The following CPAP variants were observed in gnomAD, a reference collection of about 807,000 sequenced individuals.
CPAP encodes the protein centrosome assembly and centriole elongation protein.
chr13:24,919,139 G>A, the CPAP span, among the ~76,000 whole-genome samples: 1 of 152,130 alleles, frequency 6.6e-6, no homozygotes, highest in Non-Finnish European at 1.5e-5. Flanking sequence ...AACACTGTGA[G>A]ATTTAAAAAG....
chr13:24,929,171 C>T, the CPAP span, among the ~76,000 whole-genome samples: 1 of 152,108 alleles, frequency 6.6e-6, no homozygotes, highest in Admixed American at 6.5e-5. Context: ...TCAAGTGTTC[C>T]TCCTGCCTCA....
At chr13:24,925,954 A>C in the CPAP span, 23 of 152,668 alleles carry the variant, frequency 1.5e-4, no homozygotes, top group Non-Finnish European at 2.9e-5. Flanking sequence ...GGCTTTCAGC[A>C]TTATGTCTAT....
chr13:24,891,472 G>A, the CPAP span, among the ~76,000 whole-genome samples: 2 of 152,064 alleles, frequency 1.3e-5, no homozygotes, highest in South Asian at 4.2e-4. Context: ...CTCCCTTCTT[G>A]CGGTTGCTCC....
At chr13:24,922,129 C>T in the CPAP span, among the ~76,000 whole-genome samples, 1 of 152,240 alleles carries the variant, frequency 6.6e-6, no homozygotes, top group African/African-American at 2.4e-5. Context: ...CTCAATAAAA[C>T]TTTTAAAAAA....
At chr13:24,912,109 C>A in the CPAP span, 1 of 1,576,560 alleles carries the variant, frequency 6.3e-7, no homozygotes, top group South Asian at 1.1e-5. Context: ...ATCAACTTTA[C>A]AATTCTTCAT....
the CPAP span, chr13:24,886,250 G>C: frequency 1.7e-6 from 2 of 1,196,994 alleles, no homozygotes; most frequent in Admixed American, 4.6e-5. Flanking sequence ...AGGGTCTCGA[G>C]CAAGTGCCAG....
At chr13:24,909,380 T>C in the CPAP span, among the ~76,000 whole-genome samples, 3 of 151,894 alleles carry the variant, frequency 2.0e-5, no homozygotes, top group South Asian at 2.1e-4. Flanking sequence ...TACACAAAAT[T>C]ATCTGGGCAT....
At chr13:24,924,164 A>T in the CPAP span, among the ~76,000 whole-genome samples, 2 of 151,780 alleles carry the variant, frequency 1.3e-5, no homozygotes, top group Non-Finnish European at 2.9e-5. Context: ...ACTGTGGGTG[A>T]GGAAGCTAAA....
the CPAP span, among the ~76,000 whole-genome samples, chr13:24,915,290 A>G: frequency 4.6e-5 from 7 of 152,134 alleles, no homozygotes; most frequent in Non-Finnish European, 8.8e-5. Context: ...GGATTGAAAC[A>G]GGTTTTGGGG....
At chr13:24,931,306 C>CTTTTTTTTTTTTTTTTTTTTTTTTTT in the CPAP span, among the ~76,000 whole-genome samples, 37 of 72,644 alleles carry the variant, frequency 5.1e-4, 2 homozygotes, top group East Asian at 1.8e-3. Context: ...TTTCATGTTT[C>CTTTTTTTTTTTTTTTTTTTTTTTTTT]TTTTTTTTTT....
At chr13:24,905,438 A>G in the CPAP span, 1 of 1,614,194 alleles carries the variant, frequency 6.2e-7, no homozygotes, top group Non-Finnish European at 8.5e-7. Flanking sequence ...AAAGAATTTC[A>G]TCATCAGCTC....
the CPAP span, among the ~76,000 whole-genome samples, chr13:24,925,662 A>C: frequency 2.0e-5 from 3 of 152,188 alleles, no homozygotes; most frequent in African/African-American, 7.2e-5. Context: ...TGATTCCTAT[A>C]GATCAGTCAG....
At chr13:24,919,708 C>G in the CPAP span, among the ~76,000 whole-genome samples, 1 of 152,120 alleles carries the variant, frequency 6.6e-6, no homozygotes, top group Non-Finnish European at 1.5e-5. Context: ...GCGTGAGCCC[C>G]TGCGCCCAGT....
chr13:24,926,727 G>A, the CPAP span, among the ~76,000 whole-genome samples: 1 of 152,318 alleles, frequency 6.6e-6, no homozygotes, highest in Non-Finnish European at 1.5e-5. Context: ...TCTTAGGCAA[G>A]TGGCATTAGA....
the CPAP span, chr13:24,933,280 CG>C: frequency 2.1e-5 from 14 of 659,254 alleles, no homozygotes; most frequent in Non-Finnish European, 3.6e-5. Context: ...GTGACTTGGC[CG>C]GTTGGGAGGC....
the CPAP span, chr13:24,907,991 A>C: frequency 2.8e-6 from 4 of 1,432,224 alleles, no homozygotes; most frequent in South Asian, 4.6e-5. Flanking sequence ...AAATAGTCAC[A>C]TTTCTCACTT....
the CPAP span, among the ~76,000 whole-genome samples, chr13:24,920,345 CTG>C: frequency 6.6e-6 from 1 of 152,190 alleles, no homozygotes; most frequent in Non-Finnish European, 1.5e-5. Context: ...CATAATGATA[CTG>C]TGTTTTTGCC....
the CPAP span, among the ~76,000 whole-genome samples, chr13:24,925,452 G>A: frequency 6.6e-6 from 1 of 152,148 alleles, no homozygotes; most frequent in Non-Finnish European, 1.5e-5. Flanking sequence ...GAGCCTAGAC[G>A]TTTGAACGTT....
the CPAP span, chr13:24,899,608 CACCTAAGGAG>C: frequency 6.2e-7 from 1 of 1,601,284 alleles, no homozygotes; most frequent in Non-Finnish European, 8.5e-7. Context: ...ACTATGTTAT[CACCTAAGGAG>C]ACCATCTCAG....
Sources: allele counts gnomAD v4.1 joint callset (sites outside exome capture counted in the v4.1 genomes callset), GRCh38; gene constraint gnomAD v4.1.1; transcripts MANE v1.5; gene names NCBI Gene and HGNC (gene_info 2026-07-23, HGNC 2026-07-21).